Variants in RANGAP1 observed in about 807,000 individuals in gnomAD.
RANGAP1 encodes ran GTPase-activating protein 1.
In RANGAP1, 38 loss-of-function variants were observed where a neutral mutation model predicts 63.5. The observed-to-expected ratio is 0.60, with a 90% CI of 0.46 to 0.78. The LOEUF is 0.78. Ranked by LOEUF, RANGAP1 falls within the 30% of genes least tolerant of loss-of-function variation. The probability of loss-of-function intolerance (pLI) is 0.00; values close to 1 mark genes in which losing one functional copy is unlikely to be tolerated. For missense variants in RANGAP1, 630 were observed against 740.3 expected, an observed-to-expected ratio of 0.85 and a Z score of 1.73; for synonymous variants, 329 against 310.5, an observed-to-expected ratio of 1.06 and a Z score of -0.63.
In RANGAP1 at chr22:41,244,914, C is replaced by T. The variant is rs1051223440; in HGVS notation, c.*1689G>A. Among the ~76,000 whole-genome samples the T allele has an allele frequency of 6.6e-6, 1 of 152,196 alleles. No homozygotes were observed. Among genetic ancestry groups the T allele is most frequent in the African/African-American group, 2.4e-5 (1 of 41,438 alleles). On this transcript the variant is annotated 3_prime_UTR_variant, in exon 16 of 16. Coordinates refer to ENST00000356244, the MANE Select transcript of RANGAP1 (RefSeq NM_002883.4). Reference sequence around the variant, plus strand: ...TCTGTTTGCAGCCTCACTCCCTATTCCACCCTTCCCCTAGCCCTGGCAACC... The same window carrying T: ...TCTGTTTGCAGCCTCACTCCCTATTTCACCCTTCCCCTAGCCCTGGCAACC...
At chr22:41,275,624 C>T (rs1200666624) in intron 2 of RANGAP1, among the ~76,000 whole-genome samples, 1 of 152,018 alleles carries the variant, frequency 6.6e-6, no homozygotes, top group African/African-American at 2.4e-5. Context: ...ACTAAAAATA[C>T]AAAAATTAGC....
chr22:41,252,586 G>T lies in RANGAP1; in HGVS notation c.1380+286C>A, dbSNP rs114290126. ...GGAACACGCAGAGAGAAGCCAAGGA[G>T]GGGGTGGGCACATGCAAGGCTCTTA... is the stretch of plus-strand genomic sequence containing the variant. On this transcript the variant is annotated intron_variant, in intron 12 of 15. Coordinates refer to ENST00000356244, the MANE Select transcript of RANGAP1 (RefSeq NM_002883.4). Among the ~76,000 whole-genome samples the T allele has an allele frequency of 3.3e-5, 5 of 152,320 alleles. No homozygotes were observed. In the South Asian group the frequency reaches 1.0e-3, roughly 32 times the overall value.
At chr22:41,298,136 G>A in the RANGAP1 span, among the ~76,000 whole-genome samples, 1 of 152,084 alleles carries the variant, frequency 6.6e-6, no homozygotes, top group Non-Finnish European at 1.5e-5. Flanking sequence ...GGGATTACAG[G>A]CATGAGCCAC....
intron 1 of RANGAP1, among the ~76,000 whole-genome samples, chr22:41,283,214 A>AT (rs2035583904): frequency 9.0e-6 from 1 of 111,454 alleles, no homozygotes; most frequent in African/African-American, 3.4e-5. Context: ...TAAAAAAAAA[A>AT]GGGGGGGGTT....
chr22:41,274,696 A>G lies in RANGAP1; in HGVS notation c.144T>C (p.Phe48=), dbSNP rs772806602. Residue 48 remains phenylalanine, a synonymous_variant, in exon 3 of 16, where the codon TTT becomes TTC. Transcript: ENST00000356244. ...CCAGACGCAGAGCCTCCAAGCTGTC[A>G]AAGTCTTCAATCTCTTTAATCACAT... ...AKDVIKEIED[F]DSLEALRLEG... 2.5e-6 allele frequency: 4 copies of G among 1,614,064 alleles called. No individual in the cohort carries two copies. The highest frequency in any genetic ancestry group is 2.7e-5 in the African/African-American group (2 of 74,940).
intron 2 of RANGAP1, among the ~76,000 whole-genome samples, chr22:41,276,632 T>C (rs1234932434): frequency 6.7e-6 from 1 of 149,654 alleles, no homozygotes; most frequent in Non-Finnish European, 1.5e-5. Context: ...AGAGCGAAAC[T>C]CCGTTTCAAA....
At chr22:41,279,066 C>A (rs2035328257) in intron 2 of RANGAP1, among the ~76,000 whole-genome samples, 1 of 152,226 alleles carries the variant, frequency 6.6e-6, no homozygotes, top group South Asian at 2.1e-4. Context: ...TGACATGAAC[C>A]CAGGAGGCGG....
At position 41,257,246 on chromosome 22, in the gene RANGAP1, T is replaced by C. The variant is rs2033897299; in HGVS notation, c.775-422A>G. ...GCGTGTTCCCCAACACCTGCACACATCTCTGCTAACACACAGGCAGCCGGA... is the reference window on the plus strand; with the variant it reads ...GCGTGTTCCCCAACACCTGCACACACCTCTGCTAACACACAGGCAGCCGGA... On this transcript the variant is annotated intron_variant, in intron 7 of 15. Transcript: ENST00000356244. The surrounding 1 kb of genome is among the most constrained non-coding windows in gnomAD (Gnocchi z 4.0). Among the ~76,000 whole-genome samples, 2 of 152,222 alleles carry C rather than the reference T, an allele frequency of 1.3e-5. No individual in the cohort carries two copies. The highest frequency in any genetic ancestry group is 2.4e-5 in the African/African-American group (1 of 41,526).
chr22:41,298,917 G>T, the RANGAP1 span, among the ~76,000 whole-genome samples: 4 of 152,308 alleles, frequency 2.6e-5, no homozygotes, highest in Admixed American at 2.6e-4. Context: ...CACGACCAGG[G>T]TCCCAGCATG....
intron 1 of RANGAP1, 194 bp from the exon 2 acceptor site, chr22:41,281,276 G>C (rs1014541503): frequency 1.2e-6 from 1 of 800,838 alleles, no homozygotes; most frequent in Non-Finnish European, 1.7e-6. Flanking sequence ...GGTAGTAAAA[G>C]AACAGAAAAA....
In RANGAP1 at chr22:41,261,700, C is replaced by T. The variant is rs1395962353; in HGVS notation, c.481-120G>A. On this transcript the variant is annotated intron_variant, in intron 5 of 15. Transcript: ENST00000356244. ...CCACCCATCGGTGCAGGTCAGGGGACGCAGGACTGCTAACAGCTCAACAGT... is the reference window on the plus strand; with the variant it reads ...CCACCCATCGGTGCAGGTCAGGGGATGCAGGACTGCTAACAGCTCAACAGT... 10 of 1,238,222 alleles carry T rather than the reference C, an allele frequency of 8.1e-6. No individual in the cohort carries two copies. In the Admixed American group the frequency reaches 8.8e-5, roughly 11 times the overall value. 76.7% of individuals were successfully genotyped at this position (1,238,222 alleles called of 1,614,324 possible).
chr22:41,267,464 G>A (rs975648640), intron 4 of RANGAP1, among the ~76,000 whole-genome samples: 2 of 152,192 alleles, frequency 1.3e-5, no homozygotes, highest in South Asian at 4.1e-4. Context: ...CGTGCCAGGA[G>A]GACACACTGA....
intron 1 of RANGAP1, among the ~76,000 whole-genome samples, chr22:41,283,214 A>AGGG (rs150478888): frequency 9.0e-6 from 1 of 111,400 alleles, no homozygotes; most frequent in African/African-American, 3.4e-5. Flanking sequence ...TAAAAAAAAA[A>AGGG]GGGGGGGGTT....
chr22:41,298,460 G>A, the RANGAP1 span, among the ~76,000 whole-genome samples: 1 of 152,052 alleles, frequency 6.6e-6, no homozygotes, highest in Non-Finnish European at 1.5e-5. Flanking sequence ...GATTACAGGT[G>A]CGTGCCACCA....
rs142951047 is a variant in RANGAP1 at position 41,246,434 on chromosome 22, C to T, written c.*169G>A. On this transcript the variant is annotated 3_prime_UTR_variant, in exon 16 of 16. Transcript: ENST00000356244. ...GACAGGAGGCACAGACCTGCACATG[C>T]GCCACACCCACACACATACTCAGGG... The T allele has an allele frequency of 3.2e-4, 215 of 666,448 alleles. No individual in the cohort carries two copies. In the African/African-American group the frequency reaches 3.3e-3, roughly 10 times the overall value. 41.3% of individuals were successfully genotyped at this position (666,448 alleles called of 1,614,324 possible).
rs1285613840 is a variant in RANGAP1, at chr22:41,255,946, T to C, written c.1073+75A>G. Reference sequence around the variant, plus strand: ...TTTAGCCTGGGGAACAGAGCAAGACTCCATCTCAAGAACAAAAGAAAGAAA... The same window carrying C: ...TTTAGCCTGGGGAACAGAGCAAGACCCCATCTCAAGAACAAAAGAAAGAAA... On this transcript the variant is annotated intron_variant, in intron 10 of 15. Transcript: ENST00000356244. The C allele has an allele frequency of 4.9e-6, 7 of 1,427,628 alleles. No homozygotes were observed. In the African/African-American group the frequency reaches 7.1e-5, roughly 14 times the overall value. 88.4% of individuals were successfully genotyped at this position (1,427,628 alleles called of 1,614,324 possible).
upstream of RANGAP1, among the ~76,000 whole-genome samples, chr22:41,287,294 T>G (rs978803828): frequency 3.3e-5 from 5 of 151,942 alleles, no homozygotes; most frequent in African/African-American, 1.2e-4. Context: ...TTAATCTGGT[T>G]GAAGAATATG....
At position 41,246,609 on chromosome 22, in the gene RANGAP1, C is replaced by T; in HGVS notation, c.1758G>A (p.Lys586=). Residue 586 remains lysine (K), a synonymous_variant, in exon 16 of 16, where the codon AAG becomes AAA. Coordinates refer to ENST00000356244, the MANE Select transcript of RANGAP1 (RefSeq NM_002883.4). ...ARHSLLQTLY[K]V ...GATGGGAGAGGCTTTGAGTCTAGACCTTGTACAGCGTCTGCAGCAGACTGT... is the reference window on the plus strand; with the variant it reads ...GATGGGAGAGGCTTTGAGTCTAGACTTTGTACAGCGTCTGCAGCAGACTGT... 1 of 1,573,942 alleles carries T rather than the reference C, an allele frequency of 6.4e-7. No homozygotes were observed. The highest frequency in any genetic ancestry group is 8.6e-7 in the Non-Finnish European group (1 of 1,157,720).
At chr22:41,295,113 G>A in the RANGAP1 span, among the ~76,000 whole-genome samples, 2,682 of 148,480 alleles carry the variant, frequency 0.018, 68 homozygotes, top group African/African-American at 0.059. Context: ...CTCCCCGTCC[G>A]GGAGGTGAGG....
Sources: allele counts gnomAD v4.1 joint callset (sites outside exome capture counted in the v4.1 genomes callset), GRCh38; gene constraint gnomAD v4.1.1; non-coding constraint Gnocchi (gnomAD v3.1); transcripts MANE v1.5; gene names NCBI Gene and HGNC (gene_info 2026-07-23, HGNC 2026-07-21).